FRMD3: variants seen among roughly 807,000 people sequenced by gnomAD.
FRMD3 encodes the protein FERM domain containing 3.
In FRMD3, 33 loss-of-function variants were observed where a neutral mutation model predicts 70.2. The observed-to-expected ratio is 0.47, with a 90% CI of 0.36 to 0.63. FRMD3 has a LOEUF of 0.63. Among genes scored for constraint, FRMD3 ranks in the 20% least tolerant of loss-of-function variants. The pLI is 0.00. For missense variants in FRMD3, 632 were observed against 711.4 expected (o/e 0.89, Z 1.27); for synonymous variants, 279 against 255.9 (o/e 1.09, Z -0.86).
the FRMD3 span, among the ~76,000 whole-genome samples, chr9:83,578,245 A>G: frequency 1.3e-5 from 2 of 152,012 alleles, no homozygotes; most frequent in Admixed American, 1.3e-4. Flanking sequence ...AATTCTACCA[A>G]ACATTTAAAG....
upstream of FRMD3, among the ~76,000 whole-genome samples, chr9:83,539,434 C>T (rs145279189): frequency 1.9e-3 from 282 of 152,288 alleles, no homozygotes; most frequent in Middle Eastern, 3.4e-3. Context: ...GATGGAAGTC[C>T]TCTCACCCTG....
rs1447591258 is a variant in FRMD3 at position 83,255,116 on chromosome 9, A to G, written c.1196-6600T>C. On this transcript the variant is annotated intron_variant, in intron 13 of 13. Transcript: ENST00000304195. The stretch of plus-strand genomic sequence containing the variant: ...GGGCCAATATCCTTGATGAACATTG[A>G]TGCAAAACTCCTCAATAAAATACTG... 1.3e-5 allele frequency among the ~76,000 whole-genome samples: 2 copies of G among 152,206 alleles called. 1 individual carries two copies. The highest frequency in any genetic ancestry group is 2.9e-5 in the Non-Finnish European group (2 of 68,038).
intron 3 of FRMD3, among the ~76,000 whole-genome samples, chr9:83,366,887 G>A (rs959941930): frequency 3.9e-5 from 6 of 151,924 alleles, no homozygotes; most frequent in Non-Finnish European, 8.8e-5. Flanking sequence ...CTAAGTGATA[G>A]CAGGGTGTGG....
rs568413262 is a variant in FRMD3, at chr9:83,417,499, A to G, written c.148-27791T>C. On this transcript the variant is annotated intron_variant, in intron 1 of 13. Coordinates refer to ENST00000304195, the MANE Select transcript of FRMD3 (RefSeq NM_174938.6). ...GCTTGAAAATTACTAAGCTAGTCCT[A>G]TATTTTCCTATGTTTCCTATATGGA... Among the ~76,000 whole-genome samples the G allele has an allele frequency of 2.0e-5, 3 of 152,336 alleles. No homozygotes were observed. In the East Asian group the frequency reaches 5.8e-4, roughly 29 times the overall value.
chr9:83,408,048 C>T (rs2131333836), intron 1 of FRMD3, among the ~76,000 whole-genome samples: 1 of 151,520 alleles, frequency 6.6e-6, no homozygotes, highest in East Asian at 2.0e-4. Context: ...GCAAGATGAG[C>T]ATTCCCAAAG....
intron 1 of FRMD3, among the ~76,000 whole-genome samples, chr9:83,446,508 G>A (rs982943781): frequency 5.3e-5 from 8 of 151,942 alleles, no homozygotes; most frequent in Admixed American, 3.9e-4. Context: ...TTAGCCGGGC[G>A]CGGTGGCGGG....
chr9:83,304,466 C>A (rs1356192133), intron 10 of FRMD3, among the ~76,000 whole-genome samples: 2 of 152,178 alleles, frequency 1.3e-5, no homozygotes, highest in African/African-American at 4.8e-5. Flanking sequence ...TTTTAACCAG[C>A]TCCCCAGCTC....
chr9:83,467,017 A>G (rs1318404887), intron 1 of FRMD3, among the ~76,000 whole-genome samples: 1 of 152,202 alleles, frequency 6.6e-6, no homozygotes, highest in Non-Finnish European at 1.5e-5. Flanking sequence ...TAAGTAACAG[A>G]CACCCAGACC....
intron 1 of FRMD3, among the ~76,000 whole-genome samples, chr9:83,461,210 C>G (rs973760241): frequency 6.6e-6 from 1 of 152,132 alleles, no homozygotes; most frequent in African/African-American, 2.4e-5. Flanking sequence ...AAGAAGGGAA[C>G]AGAGGAGTTC....
chr9:83,400,943 C>T (rs1327195715), intron 1 of FRMD3, among the ~76,000 whole-genome samples: 1 of 152,152 alleles, frequency 6.6e-6, no homozygotes, highest in Non-Finnish European at 1.5e-5. Context: ...GGAATATTTG[C>T]TTCTCTAACA....
intron 5 of FRMD3, among the ~76,000 whole-genome samples, chr9:83,337,916 T>C (rs748104568): frequency 3.0e-4 from 45 of 152,342 alleles, no homozygotes; most frequent in Non-Finnish European, 5.1e-4. Flanking sequence ...AATTTGATCA[T>C]ACCAAAATTA....
intron 6 of FRMD3, among the ~76,000 whole-genome samples, chr9:83,325,478 C>T (rs1835975545): frequency 6.6e-6 from 1 of 151,968 alleles, no homozygotes; most frequent in Admixed American, 6.6e-5. Flanking sequence ...GAGCATGCCA[C>T]TACATCTGGC....
intron 2 of FRMD3, among the ~76,000 whole-genome samples, chr9:83,387,794 C>T (rs1241992886): frequency 6.6e-6 from 1 of 152,142 alleles, no homozygotes; most frequent in African/African-American, 2.4e-5. Context: ...ATATCATGGT[C>T]CCCAGACCAA....
chr9:83,441,547 T>C (rs1407595892), intron 1 of FRMD3, among the ~76,000 whole-genome samples: 3 of 152,174 alleles, frequency 2.0e-5, no homozygotes, highest in African/African-American at 4.8e-5. Context: ...CCAGCCAGAA[T>C]GATCATAATC....
rs183823293 is a variant in FRMD3, at chr9:83,402,217, T to A, written c.148-12509A>T. 2.7e-3 allele frequency among the ~76,000 whole-genome samples: 397 copies of A among 149,752 alleles called. 3 individuals are homozygous for A. The highest frequency in any genetic ancestry group is 9.1e-3 in the African/African-American group (371 of 40,606). ...CACACCCAGAGAGCAAAGAGATGGT[T>A]TCTGCTTGTGGAATTCTTAACGCCC... On this transcript the variant is annotated intron_variant, in intron 1 of 13. Coordinates refer to ENST00000304195, the MANE Select transcript of FRMD3 (RefSeq NM_174938.6).
At chr9:83,243,781 G>C (rs1831957933), downstream of FRMD3, among the ~76,000 whole-genome samples, 2 of 152,060 alleles carry the variant, frequency 1.3e-5, no homozygotes, top group Non-Finnish European at 1.5e-5. Flanking sequence ...CTGCAATTAA[G>C]AGAACTCCCC....
At chr9:83,281,599 G>A (rs375066454) in intron 13 of FRMD3, 3 of 152,312 alleles carry the variant, frequency 2.0e-5, no homozygotes, top group South Asian at 4.1e-4. Context: ...TTGCTTCCAC[G>A]AAGACAGCCA....
At chr9:83,315,843 G>A (rs1461669809) in intron 6 of FRMD3, among the ~76,000 whole-genome samples, 1 of 152,170 alleles carries the variant, frequency 6.6e-6, no homozygotes, top group Non-Finnish European at 1.5e-5. Flanking sequence ...TGCTGCCCAT[G>A]ACTCAGCACA....
In FRMD3 at chr9:83,248,188, C is replaced by A. The variant is rs752602249; in HGVS notation, c.1524G>T (p.Leu508Phe). 6.2e-7 allele frequency: 1 copy of A among 1,614,198 alleles called. No individual in the cohort carries two copies. Among genetic ancestry groups the A allele is most frequent in the Non-Finnish European group, 8.5e-7 (1 of 1,180,036 alleles). Reference sequence around the variant, plus strand: ...CAGTCAGAATGTCATAGCTCCACGACAAAGCACGGCGAGCCTCCTTCAGCT... The same window carrying A: ...CAGTCAGAATGTCATAGCTCCACGAAAAAGCACGGCGAGCCTCCTTCAGCT... ...EEELKEARRA[L>F]SWSYDILTGH... Residue 508 changes from leucine to phenylalanine, a missense_variant, in exon 14 of 14, where the codon TTG becomes TTT. Transcript: ENST00000304195.
Sources: gnomAD v4.1 joint callset for allele counts (sites outside exome capture counted in the v4.1 genomes callset) on GRCh38, gnomAD v4.1.1 for gene constraint, MANE v1.5 for transcripts, NCBI Gene and HGNC (gene_info 2026-07-23, HGNC 2026-07-21) for gene names.